The following MORC1 variants were observed in gnomAD, a reference collection of about 807,000 sequenced individuals.
MORC1 encodes the protein MORC family CW-type zinc finger 1.
Under a neutral mutation model 134.9 loss-of-function variants are expected in MORC1, and 59 were observed. That is an observed-to-expected ratio of 0.44 (90% confidence interval 0.35 to 0.54). The LOEUF (loss-of-function observed/expected upper bound fraction) is 0.54, where lower values mean the gene tolerates loss of function less well. Among genes scored for constraint, MORC1 ranks in the 20% least tolerant of loss-of-function variants. The pLI, the probability that MORC1 is intolerant of heterozygous loss-of-function variation, is 0.00. For synonymous variants in MORC1, 395 were observed against 391.7 expected (o/e 1.01, Z -0.10); for missense variants, 947 against 1,134.5 (o/e 0.83, Z 2.37).
chr3:109,110,206 G>A (rs552666493), intron 3 of MORC1: 8 of 152,546 alleles, frequency 5.2e-5, no homozygotes, highest in African/African-American at 1.7e-4. Flanking sequence ...TGGTAGGGAT[G>A]CTGCGTGACT....
At chr3:108,977,345 G>A (rs1026258188) in intron 24 of MORC1, among the ~76,000 whole-genome samples, 7 of 152,226 alleles carry the variant, frequency 4.6e-5, no homozygotes, top group African/African-American at 1.7e-4. Context: ...ATATAATAAA[G>A]GTTCAAACCT....
chr3:109,074,132 T>C (rs78645621), intron 8 of MORC1, among the ~76,000 whole-genome samples: 5,671 of 152,222 alleles, frequency 0.037, 355 homozygotes, highest in African/African-American at 0.13. Flanking sequence ...AAAACATTAC[T>C]TAGCACAAAA....
intron 8 of MORC1, among the ~76,000 whole-genome samples, chr3:109,074,044 A>G (rs1167445091): frequency 6.6e-6 from 1 of 152,212 alleles, no homozygotes. Context: ...CTCAGTTAAG[A>G]CATAAAAAGT....
intron 14 of MORC1, among the ~76,000 whole-genome samples, chr3:109,040,485 A>AAAGAAAGAAAGAAAGAAAGGAAGG (rs61499269): frequency 9.6e-5 from 11 of 114,604 alleles, no homozygotes; most frequent in South Asian, 3.1e-4. Context: ...AGAAAGAAAG[A>AAAGAAAGAAAGAAAGAAAGGAAGG]AAGGAAAGAA....
chr3:109,040,369 A>T (rs1395758872), intron 14 of MORC1, among the ~76,000 whole-genome samples: 1 of 96,660 alleles, frequency 1.0e-5, no homozygotes, highest in Non-Finnish European at 2.2e-5. Context: ...AAAGAAAGAA[A>T]GAAAGAAAGA....
chr3:109,032,949 T>C, intron 15 of MORC1, 124 bp from the exon 16 acceptor site: 1 of 693,600 alleles, frequency 1.4e-6, no homozygotes, highest in Non-Finnish European at 2.5e-6. Flanking sequence ...GAATCCTTCA[T>C]CATATACCAT....
chr3:109,011,844 C>T (rs762075621), intron 17 of MORC1, among the ~76,000 whole-genome samples: 1 of 152,190 alleles, frequency 6.6e-6, no homozygotes, highest in African/African-American at 2.4e-5. Context: ...TCTCTCCATA[C>T]TCCAGATACA....
intron 14 of MORC1, among the ~76,000 whole-genome samples, chr3:109,049,525 G>C (rs556136078): frequency 3.3e-5 from 5 of 152,210 alleles, no homozygotes; most frequent in Non-Finnish European, 7.4e-5. Flanking sequence ...ACATTAGTTA[G>C]AAGTTAGCAT....
At chr3:108,975,950 C>G (rs1402309132) in intron 24 of MORC1, among the ~76,000 whole-genome samples, 1 of 152,096 alleles carries the variant, frequency 6.6e-6, no homozygotes, top group Non-Finnish European at 1.5e-5. Context: ...CTATTTACTG[C>G]TTTTTACATG....
intron 14 of MORC1, 40 bp from the exon 15 acceptor site, chr3:109,035,508 AT>A (rs1444273375): frequency 1.9e-6 from 2 of 1,080,310 alleles, no homozygotes; most frequent in Admixed American, 2.7e-5. Context: ...ACAAAAAAAA[AT>A]CATTAAAATC....
chr3:108,996,782 G>A (rs1224816564), intron 21 of MORC1, among the ~76,000 whole-genome samples: 2 of 151,886 alleles, frequency 1.3e-5, no homozygotes, highest in Non-Finnish European at 2.9e-5. Flanking sequence ...AGGCTGAGGC[G>A]GGCGGATCAT....
In MORC1 at chr3:109,117,118, C is replaced by G. The variant is rs369803262; in HGVS notation, c.65+877G>C. On this transcript the variant is annotated intron_variant, in intron 1 of 27. Transcript: ENST00000232603. ...TTTTAACTTTTTGTTCCACCTTTTCCAGCTTGACATCATTCTCTAAAGAGA... is the reference window on the plus strand; with the variant it reads ...TTTTAACTTTTTGTTCCACCTTTTCGAGCTTGACATCATTCTCTAAAGAGA... Among the ~76,000 whole-genome samples the G allele has an allele frequency of 4.6e-5, 7 of 152,124 alleles. No homozygotes were observed. In the East Asian group the frequency reaches 1.2e-3, roughly 25 times the overall value.
intron 15 of MORC1, among the ~76,000 whole-genome samples, chr3:109,034,582 T>C (rs1413769722): frequency 6.6e-6 from 1 of 152,198 alleles, no homozygotes; most frequent in Non-Finnish European, 1.5e-5. Context: ...AGTGATTCAG[T>C]TGTCAGTTAC....
At chr3:109,094,560 A>G (rs1333033798) in intron 7 of MORC1, among the ~76,000 whole-genome samples, 2 of 152,178 alleles carry the variant, frequency 1.3e-5, no homozygotes, top group Non-Finnish European at 2.9e-5. Flanking sequence ...TAACTCTCTT[A>G]CATACCTGTT....
At chr3:108,996,180 T>A (rs1948201018) in intron 21 of MORC1, among the ~76,000 whole-genome samples, 2 of 151,834 alleles carry the variant, frequency 1.3e-5, no homozygotes, top group Admixed American at 6.6e-5. Context: ...GATGAGATGA[T>A]GGAAGAACAG....
At chr3:109,110,950 C>A (rs1951153168) in intron 2 of MORC1, among the ~76,000 whole-genome samples, 167 bp from the exon 3 acceptor site, 2 of 147,038 alleles carry the variant, frequency 1.4e-5, no homozygotes, top group African/African-American at 2.5e-5. Flanking sequence ...TATGATTAGT[C>A]ATAATTTGAG....
intron 8 of MORC1, among the ~76,000 whole-genome samples, chr3:109,084,684 A>G (rs1434521854): frequency 6.6e-6 from 1 of 152,156 alleles, no homozygotes; most frequent in African/African-American, 2.4e-5. Context: ...AAGACACTGA[A>G]TAGCCAAAGC....
At chr3:108,983,283 A>G (rs903739284) in intron 23 of MORC1, among the ~76,000 whole-genome samples, 4 of 152,200 alleles carry the variant, frequency 2.6e-5, no homozygotes, top group African/African-American at 9.6e-5. Context: ...GTCATTCTGG[A>G]TATCAGAGAC....
Position 108,994,460 on chromosome 3 carries a change from C to T in MORC1, c.2187+6097G>A, listed in dbSNP as rs529865482. ...AAGGTCTATTCTAACCTTACTATAA[C>T]CACACCATACAGATTCTTTCATGTC... On this transcript the variant is annotated intron_variant, in intron 21 of 27. Transcript: ENST00000232603. 8.6e-5 allele frequency among the ~76,000 whole-genome samples: 13 copies of T among 151,940 alleles called. No homozygotes were observed. In the South Asian group the frequency reaches 2.7e-3, roughly 32 times the overall value.
Sources: allele counts gnomAD v4.1 joint callset (sites outside exome capture counted in the v4.1 genomes callset), GRCh38; gene constraint gnomAD v4.1.1; transcripts MANE v1.5; gene names NCBI Gene and HGNC (gene_info 2026-07-23, HGNC 2026-07-21).